The following FRMD4A variants were observed in gnomAD, a reference collection of about 807,000 sequenced individuals.
FRMD4A encodes the protein FERM domain containing 4A, also known as FERM domain-containing protein 4A.
In FRMD4A, 29 loss-of-function variants were observed where a neutral mutation model predicts 129.1. The ratio of observed to expected loss-of-function variants is 0.22; its 90% CI spans 0.17 to 0.31. The LOEUF is 0.31. FRMD4A is among the 10% of genes least tolerant of loss of function. The pLI, the probability that FRMD4A is intolerant of heterozygous loss-of-function variation, is 1.00. For missense variants in FRMD4A, 1,272 were observed against 1,375.8 expected, an observed-to-expected ratio of 0.92 and a Z score of 1.19; for synonymous variants, 634 against 571.6, an observed-to-expected ratio of 1.11 and a Z score of -1.56.
chr10:13,764,877 G>A (rs1564762855), intron 6 of FRMD4A, among the ~76,000 whole-genome samples: 1 of 152,150 alleles, frequency 6.6e-6, no homozygotes, highest in Non-Finnish European at 1.5e-5. Context: ...AAAACATCAA[G>A]GGACTTTGCA....
intron 2 of FRMD4A, chr10:13,891,728 C>T (rs1340784959): frequency 2.0e-6 from 2 of 984,444 alleles, no homozygotes; most frequent in African/African-American, 3.5e-5. Context: ...CCTTGGCCTA[C>T]TAGGCGGCCT....
At chr10:13,761,790 T>C in intron 7 of FRMD4A, 121 bp from the exon 8 acceptor site, 3 of 661,296 alleles carry the variant, frequency 4.5e-6, no homozygotes, top group Non-Finnish European at 8.0e-6. Flanking sequence ...TTCCTGCAGT[T>C]ATCATCCTAT....
chr10:14,300,067 T>C (rs1177341748), intron 2 of FRMD4A, among the ~76,000 whole-genome samples: 1 of 151,528 alleles, frequency 6.6e-6, no homozygotes, highest in Non-Finnish European at 1.5e-5. Context: ...CCTCTAGAAC[T>C]AGAACTTTTA....
intron 3 of FRMD4A, among the ~76,000 whole-genome samples, chr10:13,845,261 A>G (rs536495885): frequency 2.0e-5 from 3 of 152,188 alleles, no homozygotes; most frequent in South Asian, 4.1e-4. Flanking sequence ...TATGACCTTG[A>G]CACATGAGTT....
chr10:13,694,419 A>G (rs2086021767), intron 14 of FRMD4A, among the ~76,000 whole-genome samples: 1 of 152,184 alleles, frequency 6.6e-6, no homozygotes, highest in Non-Finnish European at 1.5e-5. Flanking sequence ...CAAAGGAGAA[A>G]AAGTGTGGGA....
intron 2 of FRMD4A, among the ~76,000 whole-genome samples, chr10:14,103,655 G>C (rs185735593): frequency 6.6e-6 from 1 of 152,290 alleles, no homozygotes; most frequent in Admixed American, 6.5e-5. Context: ...GATATCATTA[G>C]TGTATTTATT....
chr10:14,019,640 A>G (rs910914384), intron 2 of FRMD4A, among the ~76,000 whole-genome samples: 4 of 152,214 alleles, frequency 2.6e-5, no homozygotes, highest in African/African-American at 9.7e-5. Flanking sequence ...CCATGTACAC[A>G]TATTATTTTG....
At chr10:14,069,620 A>G (rs545263689) in intron 2 of FRMD4A, among the ~76,000 whole-genome samples, 1 of 152,338 alleles carries the variant, frequency 6.6e-6, no homozygotes, top group East Asian at 1.9e-4. Flanking sequence ...TTTAAAGACT[A>G]CACTTTATTT....
At chr10:13,701,144 C>G (rs1417708600) in intron 14 of FRMD4A, among the ~76,000 whole-genome samples, 196 bp downstream of exon 14, 2 of 152,094 alleles carry the variant, frequency 1.3e-5, no homozygotes, top group South Asian at 4.1e-4. Flanking sequence ...CCCCCTGGAC[C>G]AAGATGCATG....
Position 13,657,496 on chromosome 10 carries a change from A to C in FRMD4A, c.2093T>G (p.Leu698Arg), listed in dbSNP as rs1271490560. The C allele has an allele frequency of 6.3e-7, 1 of 1,587,304 alleles. No individual in the cohort carries two copies. The highest frequency in any genetic ancestry group is 8.6e-7 in the Non-Finnish European group (1 of 1,168,154). Residue 698 changes from leucine (L) to arginine (R), a missense_variant, in exon 22 of 25, where the codon CTG (leucine) becomes CGG (arginine). This residue lies in a region of FRMD4A where 972 missense variants were observed against 892.3 expected (regional missense o/e 1.09). Transcript: ENST00000357447. ...TRSVDISPTR[L>R]HSLALHFRHR... ...CCTAAAGTGCAGTGCGAGGCTGTGC[A>C]GTCGGGTGGGGCTGATGTCCACCGA...
intron 2 of FRMD4A, among the ~76,000 whole-genome samples, chr10:13,913,533 A>T (rs1304502910): frequency 1.3e-5 from 2 of 152,200 alleles, no homozygotes; most frequent in Non-Finnish European, 2.9e-5. Context: ...CTTCTCTGCC[A>T]TTAGGGTCTT....
chr10:13,733,494 C>T (rs764640958), intron 12 of FRMD4A, among the ~76,000 whole-genome samples: 1 of 152,186 alleles, frequency 6.6e-6, no homozygotes, highest in South Asian at 2.1e-4. Context: ...GAAATCTCAG[C>T]GCACTGCAAC....
chr10:13,654,703 C>T (rs1402144462), intron 22 of FRMD4A, 191 bp from the exon 23 acceptor site: 6 of 580,624 alleles, frequency 1.0e-5, no homozygotes, highest in African/African-American at 1.9e-5. Flanking sequence ...TCTCTACATG[C>T]CCCCCCAACC....
At chr10:14,118,693 T>TGTGCA (rs1838330633) in intron 2 of FRMD4A, among the ~76,000 whole-genome samples, 1 of 152,140 alleles carries the variant, frequency 6.6e-6, no homozygotes, top group Non-Finnish European at 1.5e-5. Flanking sequence ...CAAGAGAGCT[T>TGTGCA]GTGCAGGGGA....
intron 12 of FRMD4A, among the ~76,000 whole-genome samples, chr10:13,731,890 T>A (rs75156589): frequency 0.013 from 1,972 of 152,218 alleles, 38 homozygotes; most frequent in African/African-American, 0.042. Context: ...AAGTTCAACG[T>A]CTCTGAACTC....
chr10:13,930,529 T>C (rs1375852806), intron 2 of FRMD4A, among the ~76,000 whole-genome samples: 1 of 152,068 alleles, frequency 6.6e-6, no homozygotes, highest in Non-Finnish European at 1.5e-5. Context: ...TGTTTTTGAA[T>C]GAGATATGGT....
chr10:13,942,068 C>T (rs2095296884), intron 2 of FRMD4A, among the ~76,000 whole-genome samples: 2 of 152,116 alleles, frequency 1.3e-5, no homozygotes, highest in Admixed American at 1.3e-4. Flanking sequence ...CTGAAGACAC[C>T]GCGCCCTGTT....
intron 2 of FRMD4A, among the ~76,000 whole-genome samples, chr10:13,862,168 CTG>C (rs1387636551): frequency 1.3e-5 from 2 of 152,096 alleles, no homozygotes; most frequent in African/African-American, 4.8e-5. Context: ...GAAAGAAATG[CTG>C]TTTGTTTTCT....
At chr10:13,947,608 G>A (rs1345652011) in intron 2 of FRMD4A, among the ~76,000 whole-genome samples, 4 of 148,664 alleles carry the variant, frequency 2.7e-5, no homozygotes, top group Middle Eastern at 3.5e-3. Flanking sequence ...ACACACACGT[G>A]CACACACACA....
Sources: gnomAD v4.1 joint callset for allele counts (sites outside exome capture counted in the v4.1 genomes callset) on GRCh38, gnomAD v4.1.1 for gene constraint, gnomAD v4.1.1 regional missense constraint, MANE v1.5 for transcripts, NCBI Gene and HGNC (gene_info 2026-07-23, HGNC 2026-07-21) for gene names.